Variants in NPW observed in about 807,000 individuals in gnomAD.
NPW encodes the protein neuropeptide W.
NPW carries 8 observed loss-of-function variants against 9.9 expected under a neutral mutation model. The observed-to-expected ratio is 0.81, with a 90% confidence interval of 0.47 to 1.46. The LOEUF is 1.46. NPW is among the 40% of genes most tolerant of loss of function. NPW has a pLI of 0.00. For missense variants in NPW, 287 were observed against 240.3 expected (o/e 1.19, Z -1.28); for synonymous variants, 134 against 119.9 (o/e 1.12, Z -0.77).
chr16:2,020,510 C>A, intron 1 of NPW, 23 bp from the exon 2 acceptor site: 3 of 1,550,770 alleles, frequency 1.9e-6, no homozygotes, highest in Middle Eastern at 1.7e-4. Context: ...CTCCTCCCCA[C>A]GGCCTTGCTG....
intron 1 of NPW, 99 bp downstream of exon 1, chr16:2,020,411 C>T: frequency 7.9e-7 from 1 of 1,259,072 alleles, no homozygotes; most frequent in Admixed American, 2.3e-5. Context: ...CACCCTCGGG[C>T]CCTTCCATTC....
In NPW at chr16:2,020,053, TG is replaced by T; in HGVS notation, c.153del (p.Leu52SerfsTer141). On this transcript the variant is annotated frameshift_variant, in exon 1 of 2. Coordinates refer to ENST00000566435, the MANE Select transcript of NPW (RefSeq NM_001099456.3). LOFTEE classifies it high-confidence loss of function. Reference sequence around the variant, plus strand: ...CACACGGTGGGCCGCGCCGCTGGCCTGCTCATGGGGCTGCGTCGCTCACCCT... The same window carrying T: ...CACACGGTGGGCCGCGCCGCTGGCCTCTCATGGGGCTGCGTCGCTCACCCT... 1 of 1,502,858 alleles carries T rather than the reference TG, an allele frequency of 6.7e-7. No individual in the cohort carries two copies. The highest frequency in any genetic ancestry group is 8.8e-7 in the Non-Finnish European group (1 of 1,132,540). 93.1% of individuals were successfully genotyped at this position (1,502,858 alleles called of 1,614,324 possible).
Position 2,020,615 on chromosome 16 carries a change from T to A in NPW, c.494T>A (p.Phe165Tyr), listed in dbSNP as rs1326079147. The change falls in exon 2 of 2, where the codon TTC (phenylalanine) becomes TAC (tyrosine). Residue 165 changes from phenylalanine (F) to tyrosine (Y), a missense_variant. By Grantham distance (22) the Phe-to-Tyr change is conservative. Transcript: ENST00000566435. ...CTGCCCTGCCTGGCCCCCGGACCGT[T>A]CTGACAGCGTCCCCCGCCCGCCCGT... 1.3e-6 allele frequency: 2 copies of A among 1,583,580 alleles called. No homozygotes were observed. Among genetic ancestry groups the A allele is most frequent in the South Asian group, 2.2e-5 (2 of 89,768 alleles).
chr16:2,019,968 C>A lies in NPW; in HGVS notation c.67C>A (p.Leu23Met). ...GCCGCGGCTGGCACTGCTGCTGCTT[C>A]TGCTCCTGCTGCCGCTGCCCTCCGG... The change falls in exon 1 of 2, where the codon CTG (leucine) becomes ATG (methionine). Residue 23 changes from leucine to methionine, a missense_variant. By Grantham distance (15) the Leu-to-Met change is conservative (BLOSUM62 2). Coordinates refer to ENST00000566435, the MANE Select transcript of NPW (RefSeq NM_001099456.3). 1.4e-6 allele frequency: 2 copies of A among 1,428,600 alleles called. No individual in the cohort carries two copies. The highest frequency in any genetic ancestry group is 9.2e-7 in the Non-Finnish European group (1 of 1,090,354). 88.5% of individuals were successfully genotyped at this position (1,428,600 alleles called of 1,614,324 possible).
In NPW at chr16:2,019,785, G is replaced by A. The variant is rs576707571; in HGVS notation, c.-117G>A. ...ATAGCTGGGCCTGCAGGGGACCCAC[G>A]GCTCGCCTCCAGCCTCCTGCGCTCC... On this transcript the variant is annotated 5_prime_UTR_variant, in exon 1 of 2. Coordinates refer to ENST00000566435, the MANE Select transcript of NPW (RefSeq NM_001099456.3). 1.1e-4 allele frequency: 131 copies of A among 1,189,292 alleles called. No homozygotes were observed. In the South Asian group the frequency reaches 4.6e-3, roughly 42 times the overall value. The allele number at this position is 1,189,292 out of a possible 1,614,324, so 73.7% of individuals were successfully genotyped here.
intron 1 of NPW, 65 bp downstream of exon 1, chr16:2,020,377 G>T: frequency 7.3e-7 from 1 of 1,377,414 alleles, no homozygotes; most frequent in South Asian, 1.4e-5. Flanking sequence ...CTGAGCCGGA[G>T]CACGGAGCCG....
chr16:2,020,347 G>C (rs1567349503), intron 1 of NPW, 35 bp downstream of exon 1: 1 of 1,443,552 alleles, frequency 6.9e-7, no homozygotes, highest in Non-Finnish European at 9.2e-7. Context: ...ACCGCCGCGG[G>C]CAAGGGGGTC....
At chr16:2,020,434 C>T (rs1567349534) in intron 1 of NPW, 99 bp from the exon 2 acceptor site, 2 of 1,290,864 alleles carry the variant, frequency 1.5e-6, no homozygotes, top group South Asian at 1.4e-5. Context: ...TGCTCCGCGC[C>T]CAGAAGAGCT....
At chr16:2,020,426 C>T in intron 1 of NPW, 107 bp from the exon 2 acceptor site, 2 of 1,297,702 alleles carry the variant, frequency 1.5e-6, no homozygotes, top group South Asian at 2.8e-5. Flanking sequence ...CCATTCCCTG[C>T]TCCGCGCCCA....
At position 2,020,059 on chromosome 16, in the gene NPW, T is replaced by A; in HGVS notation, c.158T>A (p.Met53Lys). The A allele has an allele frequency of 6.7e-7, 1 of 1,499,356 alleles. No individual in the cohort carries two copies. The highest frequency in any genetic ancestry group is 8.8e-7 in the Non-Finnish European group (1 of 1,130,812). The allele number at this position is 1,499,356 out of a possible 1,614,324, so 92.9% of individuals were successfully genotyped here. The change falls in exon 1 of 2, where the codon ATG becomes AAG. Residue 53 changes from methionine to lysine, a missense_variant. Coordinates refer to ENST00000566435, the MANE Select transcript of NPW (RefSeq NM_001099456.3). ...GTGGGCCGCGCCGCTGGCCTGCTCA[T>A]GGGGCTGCGTCGCTCACCCTATCTG...
chr16:2,020,505 C>T (rs2083832408), intron 1 of NPW, 28 bp from the exon 2 acceptor site: 4 of 1,533,184 alleles, frequency 2.6e-6, no homozygotes, highest in Admixed American at 1.7e-5. Context: ...ACAGCCTCCT[C>T]CCCACGGCCT....
chr16:2,020,038 G>C lies in NPW; in HGVS notation c.137G>C (p.Gly46Ala). The C allele has an allele frequency of 6.7e-7, 1 of 1,501,668 alleles. No homozygotes were observed. The highest frequency in any genetic ancestry group is 1.2e-5 in the South Asian group (1 of 80,618). The allele number at this position is 1,501,668 out of a possible 1,614,324, so 93.0% of individuals were successfully genotyped here. ...GCGAGTCCCCGCTACCACACGGTGG[G>C]CCGCGCCGCTGGCCTGCTCATGGGG... The change falls in exon 1 of 2, where the codon GGC becomes GCC. Residue 46 changes from glycine (G) to alanine (A), a missense_variant. Coordinates refer to ENST00000566435, the MANE Select transcript of NPW (RefSeq NM_001099456.3).
chr16:2,020,472 C>G, intron 1 of NPW, 61 bp from the exon 2 acceptor site: 1 of 1,398,194 alleles, frequency 7.2e-7, no homozygotes, highest in African/African-American at 1.5e-5. Flanking sequence ...ACCCTGGCAC[C>G]CGGGGGCGGT....
At position 2,019,886 on chromosome 16, in the gene NPW, CG is replaced by C; in HGVS notation, c.-15del. On this transcript the variant is annotated 5_prime_UTR_variant, in exon 1 of 2. Transcript: ENST00000566435. ...TTCGTGGCCCGCCCCGCCGGGCGGC[CG>C]TCGACGCGAGCGCCCTGGCGTGGCG... 1 of 1,220,912 alleles carries C rather than the reference CG, an allele frequency of 8.2e-7. No homozygotes were observed. Among genetic ancestry groups the C allele is most frequent in the Non-Finnish European group, 1.0e-6 (1 of 982,012 alleles). 75.6% of individuals were successfully genotyped at this position (1,220,912 alleles called of 1,614,324 possible).
In NPW at chr16:2,020,345, G is replaced by A. The variant is rs550176950; in HGVS notation, c.411+33G>A. ...AGAGGGGAGAGGCCTGGACCGCCGC[G>A]GGCAAGGGGGTCTCGGGAGGTCTGA... is the stretch of plus-strand genomic sequence containing the variant. On this transcript the variant is annotated intron_variant, in intron 1 of 1. Coordinates refer to ENST00000566435, the MANE Select transcript of NPW (RefSeq NM_001099456.3). The A allele has an allele frequency of 1.9e-4, 275 of 1,443,046 alleles. No individual in the cohort carries two copies. In the African/African-American group the frequency reaches 3.4e-3, roughly 18 times the overall value. The allele number at this position is 1,443,046 out of a possible 1,614,324, so 89.4% of individuals were successfully genotyped here. A position where few individuals can be genotyped will look rare whatever the true frequency, so the allele number is the denominator to read the frequency against.
rs1312359313 is a variant in NPW, at chr16:2,019,997, G to C, written c.96G>C (p.Ala32=). Residue 32 remains alanine (A), a synonymous_variant, in exon 1 of 2, where the codon GCG becomes GCC. Coordinates refer to ENST00000566435, the MANE Select transcript of NPW (RefSeq NM_001099456.3). ...TCCTGCTGCCGCTGCCCTCCGGCGC[G>C]TGGTACAAGCACGTGGCGAGTCCCC... The C allele has an allele frequency of 1.4e-6, 2 of 1,450,008 alleles. No individual in the cohort carries two copies. The highest frequency in any genetic ancestry group is 4.8e-5 in the Admixed American group (2 of 41,376). The allele number at this position is 1,450,008 out of a possible 1,614,324, so 89.8% of individuals were successfully genotyped here.
Position 2,019,880 on chromosome 16 carries a change from G to C in NPW, c.-22G>C. On this transcript the variant is annotated 5_prime_UTR_variant, in exon 1 of 2. Transcript: ENST00000566435. ...AGCCGGTTCGTGGCCCGCCCCGCCG[G>C]GCGGCCGTCGACGCGAGCGCCCTGG... 7 of 1,216,810 alleles carry C rather than the reference G, an allele frequency of 5.8e-6. No homozygotes were observed. The highest frequency in any genetic ancestry group is 7.1e-6 in the Non-Finnish European group (7 of 979,294). The allele number at this position is 1,216,810 out of a possible 1,614,324, so 75.4% of individuals were successfully genotyped here.
intron 1 of NPW, 59 bp from the exon 2 acceptor site, chr16:2,020,474 G>T: frequency 7.2e-7 from 1 of 1,381,536 alleles, no homozygotes; most frequent in African/African-American, 1.5e-5. Flanking sequence ...CCTGGCACCC[G>T]GGGGCGGTGG....
chr16:2,019,912 G>T lies in NPW; in HGVS notation c.11G>T (p.Arg4Leu), dbSNP rs973392837. The change falls in exon 1 of 2, where the codon CGC (arginine) becomes CTC (leucine). Residue 4 changes from arginine to leucine, a missense_variant. Transcript: ENST00000566435. Reference sequence around the variant, plus strand: ...GTCGACGCGAGCGCCCTGGCGTGGCGCCCAGGGGAGCGGGGGGCTCCCGCG... The same window carrying T: ...GTCGACGCGAGCGCCCTGGCGTGGCTCCCAGGGGAGCGGGGGGCTCCCGCG... 2.4e-6 allele frequency: 3 copies of T among 1,276,510 alleles called. No homozygotes were observed. Among genetic ancestry groups the T allele is most frequent in the Non-Finnish European group, 3.0e-6 (3 of 1,013,252 alleles). 79.1% of individuals were successfully genotyped at this position (1,276,510 alleles called of 1,614,324 possible).
Sources: allele counts gnomAD v4.1 joint callset, GRCh38; gene constraint gnomAD v4.1.1; transcripts MANE v1.5; gene names NCBI Gene and HGNC (gene_info 2026-07-23, HGNC 2026-07-21).